The following IFT43 variants were observed in gnomAD, a reference collection of about 807,000 sequenced individuals.
IFT43 encodes intraflagellar transport protein 43 homolog.
IFT43 carries 33 observed loss-of-function variants against 32.3 expected under a neutral mutation model. The observed-to-expected ratio is 1.02, with a 90% CI of 0.77 to 1.37. The LOEUF is 1.37. Ranked by LOEUF, IFT43 falls within the 40% of genes most tolerant of loss-of-function variation. The probability of loss-of-function intolerance (pLI) is 0.00; values close to 1 mark genes in which losing one functional copy is unlikely to be tolerated. For missense variants in IFT43, 274 were observed against 265.9 expected (o/e 1.03, Z -0.21); for synonymous variants, 93 against 98.2 (o/e 0.95, Z 0.31).
chr14:76,039,641 G>T (rs149217029), intron 3 of IFT43, among the ~76,000 whole-genome samples: 108 of 152,204 alleles, frequency 7.1e-4, no homozygotes, highest in African/African-American at 2.4e-3. Context: ...AGAACTACTG[G>T]TGAATTTTAT....
chr14:76,049,089 A>G (rs2036863463), intron 3 of IFT43, among the ~76,000 whole-genome samples: 1 of 152,092 alleles, frequency 6.6e-6, no homozygotes, highest in Admixed American at 6.5e-5. Context: ...TAAAAGACCC[A>G]CTCCAGCAAT....
chr14:76,022,424 G>A, intron 3 of IFT43, 30 bp downstream of exon 3: 9 of 1,333,388 alleles, frequency 6.7e-6, no homozygotes, highest in Middle Eastern at 1.8e-4. Flanking sequence ...AAGAGTATGG[G>A]TGGGGGTGCA....
intron 5 of IFT43, among the ~76,000 whole-genome samples, chr14:76,075,159 G>A (rs1466475506): frequency 2.0e-5 from 3 of 152,172 alleles, no homozygotes; most frequent in Admixed American, 1.3e-4. Flanking sequence ...AGGGCCACAC[G>A]CATGCTGCGT....
rs12893918 is a variant in IFT43 at position 76,023,875 on chromosome 14, G to A, written c.215+1481G>A. Among the ~76,000 whole-genome samples, 748 of 152,298 alleles carry A rather than the reference G, an allele frequency of 4.9e-3. 2 individuals carry two copies. The highest frequency in any genetic ancestry group is 8.6e-3 in the Non-Finnish European group (587 of 68,026). ...TCAGCTTTCCAAAGCTGTAGTATCA[G>A]AAGTATTTTTTAAACCTTATGATGT... is the stretch of plus-strand genomic sequence containing the variant. On this transcript the variant is annotated intron_variant, in intron 3 of 8. Transcript: ENST00000314067.
intron 3 of IFT43, among the ~76,000 whole-genome samples, chr14:76,033,158 C>CA (rs2036538110): frequency 6.6e-6 from 1 of 152,056 alleles, no homozygotes; most frequent in Non-Finnish European, 1.5e-5. Context: ...CATTGGAGCC[C>CA]CAGCCAGATT....
At chr14:75,990,484 A>G (rs1221324649) in intron 2 of IFT43, among the ~76,000 whole-genome samples, 1 of 152,292 alleles carries the variant, frequency 6.6e-6, no homozygotes, top group East Asian at 1.9e-4. Context: ...GTTGTGTCTT[A>G]TCATCGTACC....
chr14:76,072,781 G>T (rs950540560), intron 5 of IFT43, among the ~76,000 whole-genome samples: 5 of 152,140 alleles, frequency 3.3e-5, no homozygotes, highest in African/African-American at 1.2e-4. Context: ...AGAGATCAGG[G>T]TTTGTATGCT....
intron 2 of IFT43, among the ~76,000 whole-genome samples, chr14:75,997,008 T>C (rs897472191): frequency 4.6e-5 from 7 of 152,138 alleles, no homozygotes; most frequent in Non-Finnish European, 1.0e-4. Flanking sequence ...ACAGAAGATA[T>C]GAGAGTAAAC....
chr14:76,046,231 A>G (rs1315886633), intron 3 of IFT43, among the ~76,000 whole-genome samples: 1 of 152,200 alleles, frequency 6.6e-6, no homozygotes, highest in African/African-American at 2.4e-5. Flanking sequence ...ACCTGCTGAG[A>G]AATTGAGCGG....
intron 3 of IFT43, among the ~76,000 whole-genome samples, chr14:76,026,552 C>CAAAAAAAAAAAAAA (rs58799745): frequency 1.2e-5 from 1 of 84,460 alleles, no homozygotes; most frequent in Non-Finnish European, 2.5e-5. Flanking sequence ...GAGTGAAACT[C>CAAAAAAAAAAAAAA]AAAAAAAAAA....
intron 2 of IFT43, among the ~76,000 whole-genome samples, chr14:76,008,748 G>T (rs1312619791): frequency 6.6e-6 from 1 of 152,160 alleles, no homozygotes; most frequent in Non-Finnish European, 1.5e-5. Context: ...CTTGTAGCAT[G>T]CAGTAAAGAC....
chr14:76,053,024 C>G (rs979267050), intron 3 of IFT43, among the ~76,000 whole-genome samples: 4 of 152,210 alleles, frequency 2.6e-5, no homozygotes, highest in Admixed American at 6.5e-5. Context: ...TGCATTCTGG[C>G]CCTACCACTT....
intron 2 of IFT43, among the ~76,000 whole-genome samples, chr14:76,019,081 C>T (rs1414497679): frequency 1.3e-5 from 2 of 151,764 alleles, no homozygotes; most frequent in Non-Finnish European, 2.9e-5. Flanking sequence ...ATCCTTTTTT[C>T]CTTACTTCCT....
chr14:76,080,356 T>G (rs1179742661), intron 5 of IFT43, among the ~76,000 whole-genome samples: 1 of 152,106 alleles, frequency 6.6e-6, no homozygotes, highest in Non-Finnish European at 1.5e-5. Flanking sequence ...CCCCACACTC[T>G]TTGTGCACAT....
At chr14:76,076,738 G>T in intron 5 of IFT43, 1 of 1,609,568 alleles carries the variant, frequency 6.2e-7, no homozygotes, top group Non-Finnish European at 8.5e-7. Flanking sequence ...GGATCCTTCT[G>T]GGACTTTGCT....
intron 3 of IFT43, among the ~76,000 whole-genome samples, chr14:76,042,407 C>G (rs1231615998): frequency 5.3e-5 from 8 of 152,196 alleles, no homozygotes; most frequent in African/African-American, 1.9e-4. Flanking sequence ...CCCTTGACAC[C>G]TGATACAGCA....
chr14:76,072,557 T>C (rs1210494638), intron 5 of IFT43, among the ~76,000 whole-genome samples: 1 of 152,088 alleles, frequency 6.6e-6, no homozygotes, highest in Non-Finnish European at 1.5e-5. Context: ...TCTGAAGAGG[T>C]AGAATGTGAA....
At chr14:76,040,432 A>G (rs2036685477) in intron 3 of IFT43, among the ~76,000 whole-genome samples, 1 of 152,222 alleles carries the variant, frequency 6.6e-6, no homozygotes, top group South Asian at 2.1e-4. Context: ...GATATGGTAC[A>G]CATAGATCCC....
At chr14:76,025,394 G>A (rs772698069) in intron 3 of IFT43, among the ~76,000 whole-genome samples, 3 of 152,026 alleles carry the variant, frequency 2.0e-5, no homozygotes, top group Non-Finnish European at 2.9e-5. Context: ...TAGATTCAAC[G>A]CTATTTCTAT....
Sources: allele counts gnomAD v4.1 joint callset (sites outside exome capture counted in the v4.1 genomes callset), GRCh38; gene constraint gnomAD v4.1.1; transcripts MANE v1.5; gene names NCBI Gene and HGNC (gene_info 2026-07-23, HGNC 2026-07-21).